The following IQGAP1 variants were observed in gnomAD, a reference collection of about 807,000 sequenced individuals.
IQGAP1 encodes the protein IQ motif containing GTPase activating protein 1.
A neutral mutation model predicts 215.6 loss-of-function variants in IQGAP1; 66 were observed. The observed-to-expected ratio is 0.31, with a 90% CI of 0.25 to 0.38. The LOEUF (loss-of-function observed/expected upper bound fraction) is 0.38, where lower values mean the gene tolerates loss of function less well. Among genes scored for constraint, IQGAP1 ranks in the 10% least tolerant of loss-of-function variants. The pLI is 1.00. For missense variants in IQGAP1, 1,712 were observed against 1,997.1 expected (o/e 0.86, Z 2.72); for synonymous variants, 772 against 728.7 (o/e 1.06, Z -0.96).
intron 26 of IQGAP1, among the ~76,000 whole-genome samples, chr15:90,480,517 A>G (rs986919094): frequency 5.9e-5 from 9 of 152,130 alleles, no homozygotes; most frequent in African/African-American, 2.2e-4. Flanking sequence ...AAAATATACA[A>G]TATTCTTTAT....
Position 90,497,164 on chromosome 15 carries a change from C to A in IQGAP1, c.4752-68C>A, listed in dbSNP as rs1761967384. 5 of 819,564 alleles carry A rather than the reference C, an allele frequency of 6.1e-6. No homozygotes were observed. In the Admixed American group the frequency reaches 9.6e-5, roughly 16 times the overall value. 50.8% of individuals were successfully genotyped at this position (819,564 alleles called of 1,614,324 possible). On this transcript the variant is annotated intron_variant, in intron 36 of 37. Coordinates refer to ENST00000268182, the MANE Select transcript of IQGAP1 (RefSeq NM_003870.4). ...TTGAAGACTTGGTTCATCTCCTTTC[C>A]CCATTTCACAGAATATTTTTATATG...
At chr15:90,396,488 G>T (rs1964721608) in intron 2 of IQGAP1, among the ~76,000 whole-genome samples, 1 of 152,140 alleles carries the variant, frequency 6.6e-6, no homozygotes, top group Admixed American at 6.5e-5. Flanking sequence ...ATGAGACCCA[G>T]TGTGACTAAA....
At chr15:90,425,584 T>G (rs1965210405) in intron 2 of IQGAP1, among the ~76,000 whole-genome samples, 1 of 152,226 alleles carries the variant, frequency 6.6e-6, no homozygotes, top group South Asian at 2.1e-4. Flanking sequence ...ATTTACTGCT[T>G]CCATAGGAGT....
chr15:90,448,495 T>C, intron 9 of IQGAP1, 78 bp from the exon 10 acceptor site: 1 of 1,265,428 alleles, frequency 7.9e-7, no homozygotes, highest in East Asian at 2.6e-5. Flanking sequence ...GAACTGAGAT[T>C]GGTTTTGGGG....
chr15:90,448,784 C>A (rs139938208), intron 10 of IQGAP1, 48 bp downstream of exon 10: 1 of 1,366,640 alleles, frequency 7.3e-7, no homozygotes, highest in Non-Finnish European at 9.6e-7. Flanking sequence ...TATATCCATT[C>A]GAATCCCATG....
intron 2 of IQGAP1, among the ~76,000 whole-genome samples, chr15:90,424,767 A>T (rs1965196421): frequency 6.6e-6 from 1 of 151,930 alleles, no homozygotes; most frequent in Admixed American, 6.6e-5. Context: ...TGAACCCAGG[A>T]GGCAGAGGTT....
At chr15:90,434,172 C>A (rs1397779144) in intron 5 of IQGAP1, among the ~76,000 whole-genome samples, 2 of 152,106 alleles carry the variant, frequency 1.3e-5, no homozygotes, top group East Asian at 3.9e-4. Context: ...TGCGGTGGCT[C>A]ACGCCTGTAA....
At chr15:90,467,315 TCA>T in intron 17 of IQGAP1, 133 bp from the exon 18 acceptor site, 1 of 788,116 alleles carries the variant, frequency 1.3e-6, no homozygotes, top group Non-Finnish European at 1.9e-6. Flanking sequence ...CCCTTTACTC[TCA>T]CAGATCCAAG....
chr15:90,406,356 G>A (rs1441782318), intron 2 of IQGAP1, among the ~76,000 whole-genome samples: 1 of 152,132 alleles, frequency 6.6e-6, no homozygotes, highest in Non-Finnish European at 1.5e-5. Context: ...TAGTAGAGAC[G>A]GGGTTTCACC....
Position 90,448,888 on chromosome 15 carries a change from A to G in IQGAP1, c.1077+152A>G, listed in dbSNP as rs76364317. On this transcript the variant is annotated intron_variant, in intron 10 of 37. Coordinates refer to ENST00000268182, the MANE Select transcript of IQGAP1 (RefSeq NM_003870.4). ...TTAGTTTAAAAAAAAATCCTCAGGT[A>G]AAATACACATTGTCTTCAGCTCACT... 4.5e-3 allele frequency: 2,961 copies of G among 656,774 alleles called. 52 individuals carry two copies. The African/African-American group carries it at 0.046, about 10-fold the overall frequency. The allele number at this position is 656,774 out of a possible 1,614,324, so 40.7% of individuals were successfully genotyped here. A position where few individuals can be genotyped will look rare whatever the true frequency, so the allele number is the denominator to read the frequency against.
intron 19 of IQGAP1, 55 bp from the exon 20 acceptor site, chr15:90,473,660 A>G: frequency 7.7e-7 from 1 of 1,300,556 alleles, no homozygotes; most frequent in Non-Finnish European, 1.1e-6. Context: ...TTTTTTTTTA[A>G]CTTCCATTGA....
intron 4 of IQGAP1, among the ~76,000 whole-genome samples, chr15:90,432,878 A>G (rs569264220): frequency 1.3e-5 from 2 of 152,298 alleles, no homozygotes; most frequent in African/African-American, 2.4e-5. Flanking sequence ...ATGGTGCCAC[A>G]TGACTGTGAG....
At chr15:90,421,946 C>G (rs1965143655) in intron 2 of IQGAP1, among the ~76,000 whole-genome samples, 1 of 152,180 alleles carries the variant, frequency 6.6e-6, no homozygotes, top group Non-Finnish European at 1.5e-5. Flanking sequence ...CAGGCGTGAA[C>G]CACTGCACCG....
chr15:90,399,521 A>G (rs1964776203), intron 2 of IQGAP1, among the ~76,000 whole-genome samples: 1 of 151,980 alleles, frequency 6.6e-6, no homozygotes, highest in African/African-American at 2.4e-5. Flanking sequence ...TTGATGTTTC[A>G]TTGTATTTGT....
intron 18 of IQGAP1, among the ~76,000 whole-genome samples, chr15:90,470,462 A>G (rs1247228441): frequency 6.6e-6 from 1 of 152,200 alleles, no homozygotes; most frequent in Non-Finnish European, 1.5e-5. Flanking sequence ...TGTTTCTGAC[A>G]AGCTTTCAGG....
Position 90,440,617 on chromosome 15 carries a change from TAAG to T in IQGAP1, c.649+7_649+9del, listed in dbSNP as rs780379230. The T allele has an allele frequency of 1.2e-4, 184 of 1,550,978 alleles. No individual in the cohort carries two copies. Among genetic ancestry groups the T allele is most frequent in the Middle Eastern group, 3.3e-4 (2 of 5,972 alleles). ...AACTGTCAGTGGATGAAGCCGCATGTAAGAAGAGAGAAATTTTGTGGGTTCAAC... is the reference window on the plus strand; with the variant it reads ...AACTGTCAGTGGATGAAGCCGCATGTAAGAGAGAAATTTTGTGGGTTCAAC... On this transcript the variant is annotated splice_donor_5th_base_variant and intron_variant, in intron 7 of 37. Transcript: ENST00000268182.
chr15:90,431,107 T>C (rs1209147328), intron 4 of IQGAP1: 3 of 150,220 alleles, frequency 2.0e-5, no homozygotes, highest in African/African-American at 4.9e-5. Context: ...ATATAGTATA[T>C]TGATATGTAT....
intron 5 of IQGAP1, 95 bp from the exon 6 acceptor site, chr15:90,439,237 A>C: frequency 2.5e-6 from 2 of 800,648 alleles, no homozygotes; most frequent in Non-Finnish European, 4.2e-6. Flanking sequence ...TGTTCAGAAT[A>C]CTTCTATTTT....
chr15:90,485,225 T>G (rs1034464944), intron 30 of IQGAP1, among the ~76,000 whole-genome samples: 3 of 152,212 alleles, frequency 2.0e-5, no homozygotes, highest in African/African-American at 4.8e-5. Context: ...AGGGCATCAC[T>G]GGGGATAATG....
Sources: gnomAD v4.1 joint callset for allele counts (sites outside exome capture counted in the v4.1 genomes callset) on GRCh38, gnomAD v4.1.1 for gene constraint, MANE v1.5 for transcripts, NCBI Gene and HGNC (gene_info 2026-07-23, HGNC 2026-07-21) for gene names.